The following MDGA1 variants were observed in gnomAD, a reference collection of about 807,000 sequenced individuals.
MDGA1 encodes the protein MAM domain containing glycosylphosphatidylinositol anchor 1.
A neutral mutation model predicts 101.5 loss-of-function variants in MDGA1; 54 were observed. The ratio of observed to expected loss-of-function variants is 0.53; its 90% CI spans 0.43 to 0.67. The LOEUF is 0.67. MDGA1 is among the 30% of genes least tolerant of loss of function. The pLI is 0.00. For missense variants in MDGA1, 1,083 were observed against 1,323.8 expected (o/e 0.82, Z 2.82); for synonymous variants, 533 against 558.3 (o/e 0.95, Z 0.64).
Position 37,655,676 on chromosome 6 carries a change from G to T in MDGA1, c.579+24C>A, listed in dbSNP as rs370644132. 166 of 1,575,342 alleles carry T rather than the reference G, an allele frequency of 1.1e-4. No individual in the cohort carries two copies. The African/African-American group carries it at 2.1e-3, about 20-fold the overall frequency. On this transcript the variant is annotated intron_variant, in intron 4 of 16. Coordinates refer to ENST00000434837, the MANE Select transcript of MDGA1 (RefSeq NM_153487.4). The surrounding 1 kb of genome is among the most constrained non-coding windows in gnomAD (Gnocchi z 5.1). Reference sequence around the variant, plus strand: ...GTTGGATGCAGGAGAAGTGGTATGGGGCGAGCCAGCTGCCCATCCTGACCT... The same window carrying T: ...GTTGGATGCAGGAGAAGTGGTATGGTGCGAGCCAGCTGCCCATCCTGACCT...
intron 2 of MDGA1, among the ~76,000 whole-genome samples, chr6:37,660,254 A>T (rs1026659417): frequency 6.6e-6 from 1 of 151,372 alleles, no homozygotes; most frequent in Non-Finnish European, 1.5e-5. Flanking sequence ...GGCCTGAAGC[A>T]GTCCTCCCAC....
chr6:37,647,167 G>A lies in MDGA1; in HGVS notation c.2046+6C>T, dbSNP rs372812147. ...GCCCCCAGGCCCCCGCTCCCCCTTG[G>A]CCCACCTGGCGGATGCTGAGTCTGT... is the stretch of plus-strand genomic sequence containing the variant. On this transcript the variant is annotated splice_donor_region_variant and intron_variant, in intron 10 of 16. Transcript: ENST00000434837. The A allele has an allele frequency of 7.5e-6, 12 of 1,590,116 alleles. No homozygotes were observed. The African/African-American group carries it at 1.2e-4, about 16-fold the overall frequency.
intron 1 of MDGA1, among the ~76,000 whole-genome samples, chr6:37,677,884 G>C (rs1463887317): frequency 6.6e-6 from 1 of 152,140 alleles, no homozygotes; most frequent in East Asian, 1.9e-4. Flanking sequence ...CCTGGGTAGA[G>C]CTCCAGCTCC....
chr6:37,638,463 A>T lies in MDGA1; in HGVS notation c.2667+74T>A, dbSNP rs1002665073. ...TCCTTAGCCCCCAGGAAGAAGGACAAGGTTTTCCTAAGTGTTTCCTGGCCA... is the reference window on the plus strand; with the variant it reads ...TCCTTAGCCCCCAGGAAGAAGGACATGGTTTTCCTAAGTGTTTCCTGGCCA... On this transcript the variant is annotated intron_variant, in intron 15 of 16. Coordinates refer to ENST00000434837, the MANE Select transcript of MDGA1 (RefSeq NM_153487.4). This position sits in a 1 kb window ranked among gnomAD's most constrained non-coding sequence, Gnocchi z 4.8. 8.8e-6 allele frequency: 14 copies of T among 1,596,926 alleles called. No homozygotes were observed. The highest frequency in any genetic ancestry group is 1.2e-5 in the Non-Finnish European group (14 of 1,168,540).
Position 37,650,267 on chromosome 6 carries a change from A to G in MDGA1, c.1451T>C (p.Leu484Pro). 2 of 1,608,802 alleles carry G rather than the reference A, an allele frequency of 1.2e-6. No individual in the cohort carries two copies. The highest frequency in any genetic ancestry group is 1.7e-6 in the Non-Finnish European group (2 of 1,178,882). The change falls in exon 8 of 17, where the codon CTG becomes CCG. Residue 484 changes from leucine to proline, a missense_variant. Leu to Pro is a moderately conservative substitution (Grantham distance 98, BLOSUM62 -3). This residue lies in a region of MDGA1 where 657 missense variants were observed against 771.4 expected (regional missense o/e 0.85). Coordinates refer to ENST00000434837, the MANE Select transcript of MDGA1 (RefSeq NM_153487.4). ...LWSRVDKEAA[L>P]LPSGLPLEET... ...CTCCAGGGGCAGCCCCGAGGGCAGC[A>G]GTGCAGCCTCCTTGTCCACGCGGGA...
Position 37,635,602 on chromosome 6 carries a change from C to G in MDGA1, c.*1766G>C, listed in dbSNP as rs1448352875. ...AGGCCTGGCAGGGGGAGATGGGCAG[C>G]CTTTGCCTCGGTTCCCCGCCTGCCT... On this transcript the variant is annotated 3_prime_UTR_variant, in exon 17 of 17. Transcript: ENST00000434837. 2 of 398,572 alleles carry G rather than the reference C, an allele frequency of 5.0e-6. No individual in the cohort carries two copies. The highest frequency in any genetic ancestry group is 4.1e-5 in the African/African-American group (2 of 48,642). The allele number at this position is 398,572 out of a possible 1,614,324, so 24.7% of individuals were successfully genotyped here. A position where few individuals can be genotyped will look rare whatever the true frequency, so the allele number is the denominator to read the frequency against.
rs1000265858 is a variant in MDGA1, at chr6:37,675,306, A to G, written c.68-11200T>C. On this transcript the variant is annotated intron_variant, in intron 1 of 16. Transcript: ENST00000434837. ...CAGTTTCTTCATCTGCAAAATGGGG[A>G]TAGTACTACATCTCAGGCTTCAATG... Among the ~76,000 whole-genome samples, 46 of 152,180 alleles carry G rather than the reference A, an allele frequency of 3.0e-4. 1 individual carries two copies. Among genetic ancestry groups the G allele is most frequent in the Non-Finnish European group, 1.5e-5 (1 of 68,046 alleles).
At position 37,655,938 on chromosome 6, in the gene MDGA1, C is replaced by G. The variant is rs781347402; in HGVS notation, c.383-42G>C. 3.2e-5 allele frequency: 49 copies of G among 1,549,612 alleles called. No homozygotes were observed. Among genetic ancestry groups the G allele is most frequent in the Admixed American group, 5.7e-5 (3 of 52,528 alleles). On this transcript the variant is annotated intron_variant, in intron 3 of 16. Transcript: ENST00000434837. The surrounding 1 kb of genome is among the most constrained non-coding windows in gnomAD (Gnocchi z 5.1). ...CCCATGGAGTCAGGACTGGGTGACCCCAAGGTTGGGGGGCTCAGGCTCCTG... is the reference window on the plus strand; with the variant it reads ...CCCATGGAGTCAGGACTGGGTGACCGCAAGGTTGGGGGGCTCAGGCTCCTG...
In MDGA1 at chr6:37,638,858, T is replaced by G; in HGVS notation, c.2537-191A>C. 1 of 672,332 alleles carries G rather than the reference T, an allele frequency of 1.5e-6. No homozygotes were observed. The highest frequency in any genetic ancestry group is 2.4e-6 in the Non-Finnish European group (1 of 412,644). 41.6% of individuals were successfully genotyped at this position (672,332 alleles called of 1,614,324 possible). On this transcript the variant is annotated intron_variant, in intron 14 of 16. Coordinates refer to ENST00000434837, the MANE Select transcript of MDGA1 (RefSeq NM_153487.4). This position sits in a 1 kb window ranked among gnomAD's most constrained non-coding sequence, Gnocchi z 4.8. Reference sequence around the variant, plus strand: ...ACCCTCAGTGTGGGAAAGAGAAGACTTCAGCAGGATTTCATTTCATCAGGA... The same window carrying G: ...ACCCTCAGTGTGGGAAAGAGAAGACGTCAGCAGGATTTCATTTCATCAGGA...
chr6:37,651,224 T>C (rs573066959), intron 7 of MDGA1, among the ~76,000 whole-genome samples: 1 of 152,352 alleles, frequency 6.6e-6, no homozygotes, highest in South Asian at 2.1e-4. Context: ...GTTATTTCTG[T>C]TAATAACACT....
intron 1 of MDGA1, among the ~76,000 whole-genome samples, chr6:37,665,865 C>T (rs1761738122): frequency 6.6e-6 from 1 of 152,306 alleles, no homozygotes; most frequent in East Asian, 1.9e-4. Context: ...TGCATGTGTG[C>T]ATTCCCCCTT....
At position 37,649,140 on chromosome 6, in the gene MDGA1, C is replaced by T. The variant is rs752716211; in HGVS notation, c.1736G>A (p.Gly579Glu). 25 of 1,511,804 alleles carry T rather than the reference C, an allele frequency of 1.7e-5. No individual in the cohort carries two copies. The highest frequency in any genetic ancestry group is 3.7e-5 in the South Asian group (3 of 81,290). 93.6% of individuals were successfully genotyped at this position (1,511,804 alleles called of 1,614,324 possible). ...RIASAVWRFK[G>E]QLLPPPPVVP... ...AACAGGCGGCGGCGGCAGCAGCTGCCCTTTGAAACGCCACACAGCCGAGGC... is the reference window on the plus strand; with the variant it reads ...AACAGGCGGCGGCGGCAGCAGCTGCTCTTTGAAACGCCACACAGCCGAGGC... Residue 579 changes from glycine to glutamate, a missense_variant, in exon 9 of 17, where the codon GGG becomes GAG. Transcript: ENST00000434837.
In MDGA1 at chr6:37,635,983, GCA is replaced by G; in HGVS notation, c.*1383_*1384del. ...AGATTGCACACACAGACCTGTGTTT[GCA>G]CACACTCCTGCCCAACAATGTACCC... is the stretch of plus-strand genomic sequence containing the variant. On this transcript the variant is annotated 3_prime_UTR_variant, in exon 17 of 17. Transcript: ENST00000434837. The G allele has an allele frequency of 2.7e-6, 1 of 375,044 alleles. No homozygotes were observed. Among genetic ancestry groups the G allele is most frequent in the Non-Finnish European group, 4.7e-6 (1 of 210,988 alleles). The allele number at this position is 375,044 out of a possible 1,614,324, so 23.2% of individuals were successfully genotyped here.
At chr6:37,689,921 A>G (rs1375694408) in intron 1 of MDGA1, among the ~76,000 whole-genome samples, 2 of 152,148 alleles carry the variant, frequency 1.3e-5, no homozygotes, top group Non-Finnish European at 2.9e-5. Flanking sequence ...ACAGCCAGAG[A>G]GGTTCTATTA....
intron 3 of MDGA1, among the ~76,000 whole-genome samples, 194 bp from the exon 4 acceptor site, chr6:37,656,090 T>C (rs888512313): frequency 7.9e-5 from 12 of 151,344 alleles, no homozygotes; most frequent in African/African-American, 2.9e-4. Context: ...TTTTTTTTTT[T>C]TCTTTTGAGA....
chr6:37,664,145 G>T, intron 1 of MDGA1, 39 bp from the exon 2 acceptor site: 1 of 1,612,586 alleles, frequency 6.2e-7, no homozygotes, highest in Non-Finnish European at 8.5e-7. Flanking sequence ...TAGAGAAGAG[G>T]TGCCAAGGCC....
At chr6:37,665,085 C>G (rs1263737455) in intron 1 of MDGA1, among the ~76,000 whole-genome samples, 1 of 152,130 alleles carries the variant, frequency 6.6e-6, no homozygotes, top group Non-Finnish European at 1.5e-5. Context: ...GTGGCCCAGG[C>G]TAGGGGACCA....
Position 37,658,533 on chromosome 6 carries a change from C to G in MDGA1, c.208-114G>C, listed in dbSNP as rs1581603314. The G allele has an allele frequency of 1.7e-5, 19 of 1,120,618 alleles. 1 individual carries two copies. The East Asian group carries it at 4.7e-4, about 28-fold the overall frequency. 69.4% of individuals were successfully genotyped at this position (1,120,618 alleles called of 1,614,324 possible). A position where few individuals can be genotyped will look rare whatever the true frequency, so the allele number is the denominator to read the frequency against. ...TCTCCCATACTTTTTCACAAGCGCA[C>G]GTGGGGCACACGCAGGCCTAGGAAA... On this transcript the variant is annotated intron_variant, in intron 2 of 16. Transcript: ENST00000434837.
chr6:37,677,682 T>C (rs1486849681), intron 1 of MDGA1, among the ~76,000 whole-genome samples: 2 of 152,166 alleles, frequency 1.3e-5, no homozygotes, highest in Non-Finnish European at 2.9e-5. Flanking sequence ...CTTCTTTTTT[T>C]TCTATGAAGT....
Sources: gnomAD v4.1 joint callset for allele counts (sites outside exome capture counted in the v4.1 genomes callset) on GRCh38, gnomAD v4.1.1 for gene constraint, gnomAD v4.1.1 regional missense constraint, Gnocchi (gnomAD v3.1) non-coding constraint, MANE v1.5 for transcripts, NCBI Gene and HGNC (gene_info 2026-07-23, HGNC 2026-07-21) for gene names.